Variants in THSD7A observed in about 807,000 individuals in gnomAD.
THSD7A encodes thrombospondin type-1 domain-containing protein 7A.
In THSD7A, 96 loss-of-function variants were observed where a neutral mutation model predicts 231.3. That is an observed-to-expected ratio of 0.41 (90% CI 0.35 to 0.49). The LOEUF is 0.49. Among genes scored for constraint, THSD7A ranks in the 20% least tolerant of loss-of-function variants. THSD7A has a pLI of 0.05. For missense variants in THSD7A, 2,290 were observed against 2,070.2 expected, an observed-to-expected ratio of 1.11 and a Z score of -2.06; for synonymous variants, 940 against 743.3, an observed-to-expected ratio of 1.26 and a Z score of -4.30.
intron 1 of THSD7A, among the ~76,000 whole-genome samples, chr7:11,691,197 G>A (rs1334711797): frequency 5.3e-5 from 8 of 151,348 alleles, no homozygotes; most frequent in Non-Finnish European, 1.0e-4. Flanking sequence ...CTAGTGTTAG[G>A]ATACTAAGGA....
chr7:11,460,837 T>C (rs187325844), intron 10 of THSD7A, 72 bp from the exon 11 acceptor site: 2 of 1,245,974 alleles, frequency 1.6e-6, no homozygotes, highest in African/African-American at 1.5e-5. Flanking sequence ...CACAGCAGCA[T>C]GGAAACATGA....
At chr7:11,423,140 G>GA (rs1278690252) in intron 16 of THSD7A, among the ~76,000 whole-genome samples, 2 of 151,744 alleles carry the variant, frequency 1.3e-5, no homozygotes, top group Non-Finnish European at 2.9e-5. Context: ...GGTCCTCAGA[G>GA]AAAAAACAAA....
intron 1 of THSD7A, among the ~76,000 whole-genome samples, chr7:11,651,486 ACTATCTAT>A (rs3031459): frequency 0.2 from 30,650 of 149,666 alleles, 3,497 homozygotes; most frequent in East Asian, 0.31. Flanking sequence ...CTATCTATCA[ACTATCTAT>A]CTATCTATCT....
intron 1 of THSD7A, among the ~76,000 whole-genome samples, chr7:11,789,911 TC>T (rs1163782387): frequency 1.3e-5 from 2 of 152,022 alleles, no homozygotes; most frequent in East Asian, 3.9e-4. Flanking sequence ...GATATGGACT[TC>T]CGTGTCTCCA....
At chr7:11,744,434 A>ATTTTTATT (rs1309467190) in intron 1 of THSD7A, among the ~76,000 whole-genome samples, 1 of 151,262 alleles carries the variant, frequency 6.6e-6, no homozygotes, top group Non-Finnish European at 1.5e-5. Context: ...ATTATTTTTT[A>ATTTTTATT]TTTTTATTTT....
chr7:11,727,143 G>T lies in THSD7A; in HGVS notation c.191-90182C>A, dbSNP rs144539193. ...TGAAAATGTAGGCTGTCACGGAGAA[G>T]AATATTCTTATTTTACCAGGAATGA... On this transcript the variant is annotated intron_variant, in intron 1 of 27. Coordinates refer to ENST00000423059, the MANE Select transcript of THSD7A (RefSeq NM_015204.3). 3.6e-3 allele frequency among the ~76,000 whole-genome samples: 540 copies of T among 152,088 alleles called. 3 individuals carry two copies. The highest frequency in any genetic ancestry group is 0.012 in the African/African-American group (508 of 41,520).
chr7:11,407,580 T>C (rs1322060555), intron 19 of THSD7A, among the ~76,000 whole-genome samples, 157 bp from the exon 20 acceptor site: 6 of 152,164 alleles, frequency 3.9e-5, no homozygotes, highest in African/African-American at 9.7e-5. Context: ...ATTGAAAGTA[T>C]AAAGTGGTTT....
At position 11,541,508 on chromosome 7, in the gene THSD7A, G is replaced by T; in HGVS notation, c.1733C>A (p.Ala578Glu). The part of the protein sequence containing the change: ...CEEPACYDWK[A>E]VRLGNCEPDN... ...TGGCTCGCAGTTTCCCAGTCTCACT[G>T]CTTTCCAGTCATAACAGGCAGGCTC... is the stretch of plus-strand genomic sequence containing the variant. The change falls in exon 6 of 28, where the codon GCA becomes GAA. Residue 578 changes from alanine to glutamate, a missense_variant. Transcript: ENST00000423059. 1 of 1,613,874 alleles carries T rather than the reference G, an allele frequency of 6.2e-7. No individual in the cohort carries two copies. Among genetic ancestry groups the T allele is most frequent in the Non-Finnish European group, 8.5e-7 (1 of 1,179,844 alleles).
chr7:11,419,089 G>C (rs1327254574), intron 16 of THSD7A, among the ~76,000 whole-genome samples: 2 of 152,166 alleles, frequency 1.3e-5, no homozygotes, highest in Non-Finnish European at 2.9e-5. Flanking sequence ...TGAGTAGGTG[G>C]TGTCACTATA....
At chr7:11,551,489 A>C (rs555064905) in intron 4 of THSD7A, among the ~76,000 whole-genome samples, 6 of 152,266 alleles carry the variant, frequency 3.9e-5, no homozygotes, top group Middle Eastern at 3.4e-3. Flanking sequence ...GAACTTAAAC[A>C]AATTAACAAA....
intron 4 of THSD7A, among the ~76,000 whole-genome samples, chr7:11,553,760 A>G (rs1226643582): frequency 6.6e-6 from 1 of 152,024 alleles, no homozygotes; most frequent in African/African-American, 2.4e-5. Flanking sequence ...AGGCTGATGC[A>G]TTTCTGTGGT....
chr7:11,766,085 A>G (rs1488954757), intron 1 of THSD7A, among the ~76,000 whole-genome samples: 1 of 152,208 alleles, frequency 6.6e-6, no homozygotes, highest in Non-Finnish European at 1.5e-5. Context: ...TATGTGTGGA[A>G]GGGCAGTGAA....
intron 2 of THSD7A, among the ~76,000 whole-genome samples, chr7:11,628,321 G>T (rs1781538827): frequency 6.6e-6 from 1 of 152,086 alleles, no homozygotes; most frequent in Admixed American, 6.6e-5. Context: ...CTAACCTCCA[G>T]AGGTGAAACA....
At chr7:11,572,188 G>C (rs529919516) in intron 4 of THSD7A, among the ~76,000 whole-genome samples, 78 of 152,144 alleles carry the variant, frequency 5.1e-4, no homozygotes, top group African/African-American at 1.8e-3. Flanking sequence ...CCAAAGTGTT[G>C]GGATTACAGG....
chr7:11,745,235 T>C (rs1488437269), intron 1 of THSD7A, among the ~76,000 whole-genome samples: 1 of 152,122 alleles, frequency 6.6e-6, no homozygotes, highest in Admixed American at 6.5e-5. Context: ...GCTGCATAAA[T>C]GTCTTCTTCT....
intron 22 of THSD7A, among the ~76,000 whole-genome samples, chr7:11,403,443 A>G (rs997859385): frequency 6.6e-6 from 1 of 152,220 alleles, no homozygotes; most frequent in Non-Finnish European, 1.5e-5. Flanking sequence ...AGAAACTAGA[A>G]AGAATTTCTA....
At chr7:11,737,907 A>G (rs1004351819) in intron 1 of THSD7A, among the ~76,000 whole-genome samples, 1 of 152,038 alleles carries the variant, frequency 6.6e-6, no homozygotes, top group African/African-American at 2.4e-5. Flanking sequence ...TAAATGAACA[A>G]ATAAATATAA....
At chr7:11,627,865 G>C (rs114754790) in intron 2 of THSD7A, among the ~76,000 whole-genome samples, 1 of 151,766 alleles carries the variant, frequency 6.6e-6, no homozygotes, top group Non-Finnish European at 1.5e-5. Flanking sequence ...AAATGTATGC[G>C]CTCCCCTTTA....
At position 11,500,488 on chromosome 7, in the gene THSD7A, G is replaced by A. The variant is rs1288166736; in HGVS notation, c.1823-18506C>T. Among the ~76,000 whole-genome samples the A allele has an allele frequency of 3.3e-5, 5 of 152,134 alleles. No homozygotes were observed. The South Asian group carries it at 8.3e-4, about 25-fold the overall frequency. ...TAATACTAACCTTGAATGTAAATGG[G>A]CTAAATAACCCCACTTACAAGGCAC... On this transcript the variant is annotated intron_variant, in intron 6 of 27. Transcript: ENST00000423059.
Sources: gnomAD v4.1 joint callset for allele counts (sites outside exome capture counted in the v4.1 genomes callset) on GRCh38, gnomAD v4.1.1 for gene constraint, MANE v1.5 for transcripts, NCBI Gene and HGNC (gene_info 2026-07-23, HGNC 2026-07-21) for gene names.